Variants in PRR16 observed in about 807,000 individuals in gnomAD.
PRR16 encodes protein Largen.
In PRR16, 6 loss-of-function variants were observed where a neutral mutation model predicts 18.2. That is an observed-to-expected ratio of 0.33 (90% CI 0.18 to 0.65). The LOEUF (loss-of-function observed/expected upper bound fraction) is 0.65. Ranked by LOEUF, PRR16 falls within the 30% of genes least tolerant of loss-of-function variation. PRR16 has a pLI of 0.74. For missense variants in PRR16, 412 were observed against 376.6 expected (o/e 1.09, Z -0.78); for synonymous variants, 151 against 147.8 (o/e 1.02, Z -0.16).
At chr5:120,668,499 G>T (rs1756475554) in intron 1 of PRR16, among the ~76,000 whole-genome samples, 1 of 151,890 alleles carries the variant, frequency 6.6e-6, no homozygotes, top group African/African-American at 2.4e-5. Flanking sequence ...CTGTCATTAT[G>T]ATGTTAACTG....
chr5:120,526,188 C>T, intron 1 of PRR16, among the ~76,000 whole-genome samples: 1 of 152,070 alleles, frequency 6.6e-6, no homozygotes, highest in Non-Finnish European at 1.5e-5. Context: ...TAATAAAGAT[C>T]TCATCCTGTG....
chr5:120,748,327 A>T, the PRR16 span, among the ~76,000 whole-genome samples: 1 of 152,086 alleles, frequency 6.6e-6, no homozygotes, highest in Admixed American at 6.5e-5. Context: ...TCTAAAACAT[A>T]TTTGCTTTAC....
At chr5:120,554,825 T>TTAA (rs1752360733) in intron 1 of PRR16, among the ~76,000 whole-genome samples, 1 of 151,870 alleles carries the variant, frequency 6.6e-6, no homozygotes, top group African/African-American at 2.4e-5. Flanking sequence ...GAAACACCTC[T>TTAA]CATAATTTCT....
chr5:120,724,563 A>T, the PRR16 span, among the ~76,000 whole-genome samples: 1 of 152,140 alleles, frequency 6.6e-6, no homozygotes, highest in Admixed American at 6.6e-5. Context: ...GACTGATTAA[A>T]TCACTCATTA....
chr5:120,654,425 T>C (rs578119347), intron 1 of PRR16, among the ~76,000 whole-genome samples: 16 of 151,998 alleles, frequency 1.1e-4, no homozygotes, highest in African/African-American at 3.6e-4. Context: ...GGCCTTTTTT[T>C]CCCTAGTATA....
At chr5:120,792,141 A>G in the PRR16 span, among the ~76,000 whole-genome samples, 2 of 152,136 alleles carry the variant, frequency 1.3e-5, no homozygotes, top group African/African-American at 4.8e-5. Flanking sequence ...AATCAAGCAT[A>G]TGTGATAAAA....
chr5:120,728,238 A>G, the PRR16 span, among the ~76,000 whole-genome samples: 1 of 152,006 alleles, frequency 6.6e-6, no homozygotes, highest in Non-Finnish European at 1.5e-5. Flanking sequence ...TCTGATCTCA[A>G]AAAAATCCCA....
chr5:120,492,902 A>G (rs775502380), intron 1 of PRR16, among the ~76,000 whole-genome samples: 4 of 152,156 alleles, frequency 2.6e-5, no homozygotes, highest in Admixed American at 6.5e-5. Flanking sequence ...ATTCCTTTTT[A>G]TGGCTTAGTA....
At chr5:120,611,267 A>G (rs557905224) in intron 1 of PRR16, among the ~76,000 whole-genome samples, 2 of 152,322 alleles carry the variant, frequency 1.3e-5, no homozygotes, top group South Asian at 4.1e-4. Context: ...CAGCCTGACT[A>G]TGTGATGGAA....
intron 1 of PRR16, among the ~76,000 whole-genome samples, chr5:120,526,774 G>T (rs1398433891): frequency 1.3e-5 from 2 of 152,150 alleles, no homozygotes; most frequent in African/African-American, 4.8e-5. Context: ...CCAGCATTCT[G>T]AGACTGTATC....
At chr5:120,501,164 G>A (rs563643730) in intron 1 of PRR16, among the ~76,000 whole-genome samples, 92 of 152,234 alleles carry the variant, frequency 6.0e-4, no homozygotes, top group African/African-American at 2.1e-3. Flanking sequence ...AAAAGGCTTA[G>A]AAAAATGCGT....
chr5:120,570,708 A>C (rs1752878835), intron 1 of PRR16, among the ~76,000 whole-genome samples: 3 of 152,202 alleles, frequency 2.0e-5, no homozygotes, highest in Admixed American at 1.3e-4. Context: ...AAATAATACC[A>C]CAGGCAAAAT....
intron 1 of PRR16, among the ~76,000 whole-genome samples, chr5:120,648,866 G>C (rs1328706511): frequency 6.6e-6 from 1 of 152,084 alleles, no homozygotes; most frequent in Non-Finnish European, 1.5e-5. Flanking sequence ...ACTGAATGTG[G>C]AATTGGAAAG....
intron 1 of PRR16, among the ~76,000 whole-genome samples, chr5:120,537,713 C>T (rs1751765385): frequency 2.0e-5 from 3 of 150,304 alleles, no homozygotes; most frequent in African/African-American, 7.3e-5. Flanking sequence ...TGTTTTTAAA[C>T]TTTCAAATAA....
chr5:120,487,050 C>G lies in PRR16; in HGVS notation c.159+22405C>G, dbSNP rs1289135981. On this transcript the variant is annotated intron_variant, in intron 1 of 1. Coordinates refer to ENST00000407149, the MANE Select transcript of PRR16 (RefSeq NM_001300783.2). ...TACCATGCTGTTTTGGTTACTGTAGCCTTGTAGTATAGTTTGAAGTCAGGT... is the reference window on the plus strand; with the variant it reads ...TACCATGCTGTTTTGGTTACTGTAGGCTTGTAGTATAGTTTGAAGTCAGGT... 3.0e-4 allele frequency among the ~76,000 whole-genome samples: 46 copies of G among 152,186 alleles called. 1 individual carries two copies. Among genetic ancestry groups the G allele is most frequent in the Admixed American group, 2.6e-3 (39 of 15,278 alleles).
chr5:120,729,669 C>T, the PRR16 span, among the ~76,000 whole-genome samples: 3 of 152,064 alleles, frequency 2.0e-5, no homozygotes, highest in African/African-American at 7.2e-5. Context: ...GTGAAATATC[C>T]TCCCATATAA....
At chr5:120,690,443 C>T (rs1268065349), downstream of PRR16, among the ~76,000 whole-genome samples, 1 of 152,174 alleles carries the variant, frequency 6.6e-6, no homozygotes, top group Non-Finnish European at 1.5e-5. Context: ...GTCCCCAGCA[C>T]ATTTTGCTAT....
At chr5:120,768,497 A>G in the PRR16 span, among the ~76,000 whole-genome samples, 74 of 151,746 alleles carry the variant, frequency 4.9e-4, no homozygotes, top group Non-Finnish European at 1.0e-3. Flanking sequence ...CTTTGTCTCT[A>G]ATTGATTATA....
chr5:120,617,849 A>G (rs1220316560), intron 1 of PRR16, among the ~76,000 whole-genome samples: 1 of 152,184 alleles, frequency 6.6e-6, no homozygotes, highest in Non-Finnish European at 1.5e-5. Context: ...ATTACCTTTA[A>G]CAGCTGTGAA....
Sources: allele counts gnomAD v4.1 joint callset (sites outside exome capture counted in the v4.1 genomes callset), GRCh38; gene constraint gnomAD v4.1.1; transcripts MANE v1.5; gene names NCBI Gene and HGNC (gene_info 2026-07-23, HGNC 2026-07-21).